CDS1: variants seen among roughly 807,000 people sequenced by gnomAD.
CDS1 encodes the protein phosphatidate cytidylyltransferase 1.
A neutral mutation model predicts 62.1 loss-of-function variants in CDS1; 41 were observed. The ratio of observed to expected loss-of-function variants is 0.66; its 90% CI spans 0.51 to 0.86. The LOEUF (loss-of-function observed/expected upper bound fraction) is 0.86, where lower values mean the gene tolerates loss of function less well. CDS1 is among the 40% of genes least tolerant of loss of function. The pLI is 0.00. For missense variants in CDS1, 470 were observed against 550.1 expected, an observed-to-expected ratio of 0.85 and a Z score of 1.46; for synonymous variants, 185 against 192.6, an observed-to-expected ratio of 0.96 and a Z score of 0.32.
intron 2 of CDS1, among the ~76,000 whole-genome samples, chr4:84,606,291 CT>C (rs1209226951): frequency 7.6e-6 from 1 of 131,346 alleles, no homozygotes; most frequent in East Asian, 2.2e-4. Flanking sequence ...CCCTTTGAGG[CT>C]TTTTTCTTGT....
Position 84,583,428 on chromosome 4 carries a change from C to A in CDS1, c.27C>A (p.Ser9Arg). The A allele has an allele frequency of 6.3e-7, 1 of 1,598,006 alleles. No homozygotes were observed. The highest frequency in any genetic ancestry group is 8.5e-7 in the Non-Finnish European group (1 of 1,173,296). The part of the protein sequence containing the change: MLELRHRG[S>R]CPGPREAVSP... ...TGTTGGAGCTGAGGCACCGGGGAAG[C>A]TGCCCCGGCCCCAGGGAAGCGGTGT... Residue 9 changes from serine (S) to arginine (R), a missense_variant, in exon 1 of 13, where the codon AGC (serine) becomes AGA (arginine). Ser to Arg is a moderately radical substitution (Grantham distance 110, BLOSUM62 -1). This residue lies in a region of CDS1 where 150 missense variants were observed against 142.0 expected (regional missense o/e 1.06). Coordinates refer to ENST00000295887, the MANE Select transcript of CDS1 (RefSeq NM_001263.4).
intron 9 of CDS1, among the ~76,000 whole-genome samples, chr4:84,639,978 A>C (rs114799216): frequency 0.053 from 8,031 of 151,756 alleles, 293 homozygotes; most frequent in Non-Finnish European, 0.079. Flanking sequence ...TTATGAAGCT[A>C]AATAGTGTAA....
intron 5 of CDS1, among the ~76,000 whole-genome samples, chr4:84,623,233 C>A (rs950464572): frequency 2.6e-5 from 4 of 152,180 alleles, no homozygotes; most frequent in Non-Finnish European, 4.4e-5. Flanking sequence ...TTAGTTAACA[C>A]CCTCACTTTG....
intron 6 of CDS1, among the ~76,000 whole-genome samples, chr4:84,632,085 T>A (rs559936856): frequency 3.0e-4 from 45 of 152,344 alleles, no homozygotes; most frequent in African/African-American, 9.9e-4. Flanking sequence ...TTTCAAAGTT[T>A]ACTAAAAACT....
chr4:84,593,470 TAC>T (rs935859592), intron 1 of CDS1, among the ~76,000 whole-genome samples: 10 of 152,030 alleles, frequency 6.6e-5, no homozygotes, highest in African/African-American at 2.2e-4. Flanking sequence ...GCCCTGAGTA[TAC>T]ACTCTGATCA....
intron 5 of CDS1, among the ~76,000 whole-genome samples, chr4:84,625,172 C>A (rs1391013856): frequency 6.6e-6 from 1 of 152,008 alleles, no homozygotes; most frequent in Non-Finnish European, 1.5e-5. Flanking sequence ...GGTATTTCTT[C>A]ATTTTTCTAA....
At chr4:84,617,486 GA>G (rs1723533629) in intron 3 of CDS1, 77 bp from the exon 4 acceptor site, 2 of 757,348 alleles carry the variant, frequency 2.6e-6, no homozygotes, top group Admixed American at 4.5e-5. Flanking sequence ...AAATACATAT[GA>G]CAAACTGCTT....
chr4:84,587,975 A>T (rs934675526), intron 1 of CDS1, among the ~76,000 whole-genome samples: 1 of 152,210 alleles, frequency 6.6e-6, no homozygotes, highest in Admixed American at 6.5e-5. Context: ...GGTTGCATCA[A>T]TGCAGATTTT....
At chr4:84,590,116 C>T (rs1722548501) in intron 1 of CDS1, among the ~76,000 whole-genome samples, 1 of 152,156 alleles carries the variant, frequency 6.6e-6, no homozygotes. Context: ...CAGCCTAAGG[C>T]AGGTCTTTCA....
intron 8 of CDS1, among the ~76,000 whole-genome samples, chr4:84,638,294 G>A (rs1724276675): frequency 6.6e-6 from 1 of 152,124 alleles, no homozygotes; most frequent in African/African-American, 2.4e-5. Context: ...TCTTTGAAGT[G>A]CAGCATGTTC....
chr4:84,642,715 A>G (rs1201454155), intron 10 of CDS1, among the ~76,000 whole-genome samples: 5 of 152,184 alleles, frequency 3.3e-5, no homozygotes, highest in Admixed American at 6.5e-5. Context: ...AAAATAACAC[A>G]GCTGATTCTT....
chr4:84,597,078 G>A (rs1447218213), intron 1 of CDS1, among the ~76,000 whole-genome samples: 1 of 152,118 alleles, frequency 6.6e-6, no homozygotes, highest in Non-Finnish European at 1.5e-5. Flanking sequence ...GTTATGTTGA[G>A]ACACATTTGG....
At chr4:84,627,292 A>T (rs1291465943) in intron 5 of CDS1, among the ~76,000 whole-genome samples, 1 of 152,244 alleles carries the variant, frequency 6.6e-6, no homozygotes, top group Non-Finnish European at 1.5e-5. Context: ...GTTTAATATT[A>T]TACAAAATGT....
At chr4:84,599,789 G>A (rs1722880915) in intron 1 of CDS1, among the ~76,000 whole-genome samples, 1 of 152,076 alleles carries the variant, frequency 6.6e-6, no homozygotes, top group African/African-American at 2.4e-5. Context: ...TTCCCTGTTG[G>A]CTATTTGAGT....
chr4:84,583,353 A>T lies in CDS1; in HGVS notation c.-49A>T. ...GCCTGCAGAACCCTGCTTGCAGCTC[A>T]GGTTTCGGGGTGCTTGAGGAGGCCG... On this transcript the variant is annotated 5_prime_UTR_variant, in exon 1 of 13. Coordinates refer to ENST00000295887, the MANE Select transcript of CDS1 (RefSeq NM_001263.4). 7.3e-7 allele frequency: 1 copy of T among 1,361,026 alleles called. No homozygotes were observed. The highest frequency in any genetic ancestry group is 1.0e-6 in the Non-Finnish European group (1 of 961,470). 84.3% of individuals were successfully genotyped at this position (1,361,026 alleles called of 1,614,324 possible).
At chr4:84,621,690 G>C (rs944823742) in intron 5 of CDS1, among the ~76,000 whole-genome samples, 1 of 152,136 alleles carries the variant, frequency 6.6e-6, no homozygotes, top group African/African-American at 2.4e-5. Flanking sequence ...GCCTCCCAAA[G>C]TGCTGGGATT....
chr4:84,616,886 C>T (rs879027835), intron 3 of CDS1, among the ~76,000 whole-genome samples: 1 of 152,208 alleles, frequency 6.6e-6, no homozygotes. Context: ...GGTGTGCAAT[C>T]AGGACACTGT....
At chr4:84,599,405 CATATATATATATAT>C (rs59313355) in intron 1 of CDS1, among the ~76,000 whole-genome samples, 6 of 24,698 alleles carry the variant, frequency 2.4e-4, no homozygotes, top group South Asian at 2.0e-3. Flanking sequence ...CACACACACA[CATATATATATATAT>C]ATATATATAT....
rs891401075 is a variant in CDS1, at chr4:84,638,920, T to A, written c.811-4T>A. On this transcript the variant is annotated splice_polypyrimidine_tract_variant and splice_region_variant and intron_variant, in intron 8 of 12. Transcript: ENST00000295887. ...GCTTTTTAATTTTATTTGCCCTTTT[T>A]TAGTTGTCTCCTAAAAAGACTTGGG... is the stretch of plus-strand genomic sequence containing the variant. 4.6e-6 allele frequency: 7 copies of A among 1,505,806 alleles called. No homozygotes were observed. Among genetic ancestry groups the A allele is most frequent in the Non-Finnish European group, 6.3e-6 (7 of 1,118,360 alleles). 93.3% of individuals were successfully genotyped at this position (1,505,806 alleles called of 1,614,324 possible).
Sources: allele counts gnomAD v4.1 joint callset (sites outside exome capture counted in the v4.1 genomes callset), GRCh38; gene constraint gnomAD v4.1.1; regional missense constraint gnomAD v4.1.1; transcripts MANE v1.5; gene names NCBI Gene and HGNC (gene_info 2026-07-23, HGNC 2026-07-21).